The following CSMD1 variants were observed in gnomAD, a reference collection of about 807,000 sequenced individuals.
CSMD1 encodes CUB and sushi domain-containing protein 1.
In CSMD1, 213 loss-of-function variants were observed where a neutral mutation model predicts 417.5. That is an observed-to-expected ratio of 0.51 (90% CI 0.46 to 0.57). The LOEUF is 0.57. CSMD1 is among the 20% of genes least tolerant of loss of function. The probability of loss-of-function intolerance (pLI) is 0.00; values close to 1 mark genes in which losing one functional copy is unlikely to be tolerated. For synonymous variants in CSMD1, 2,862 were observed against 1,736.8 expected, an observed-to-expected ratio of 1.65 and a Z score of -16.11; for missense variants, 6,923 against 4,529.7, an observed-to-expected ratio of 1.53 and a Z score of -15.17.
rs80139279 is a variant in CSMD1, at chr8:4,392,349, A to G, written c.415+27604T>C. Among the ~76,000 whole-genome samples, 40 of 152,292 alleles carry G rather than the reference A, an allele frequency of 2.6e-4. No individual in the cohort carries two copies. In the East Asian group the frequency reaches 6.4e-3, roughly 24 times the overall value. ...ACCACGGATATGTAGGGAAGGTCAC[A>G]TGAGGAGGAGCAGTAAAGAGAAAAT... On this transcript the variant is annotated intron_variant, in intron 3 of 69. Transcript: ENST00000635120.
chr8:4,557,703 G>A (rs1331966489), intron 2 of CSMD1, among the ~76,000 whole-genome samples: 1 of 152,084 alleles, frequency 6.6e-6, no homozygotes, highest in African/African-American at 2.4e-5. Context: ...AAGGAAAAAG[G>A]TCAGATTTAA....
intron 9 of CSMD1, among the ~76,000 whole-genome samples, chr8:3,583,351 G>T (rs1364600234): frequency 6.6e-6 from 1 of 151,906 alleles, no homozygotes; most frequent in African/African-American, 2.4e-5. Flanking sequence ...TTTGGGGAGT[G>T]TCATAGAGAA....
chr8:3,338,057 C>T (rs377165811), intron 23 of CSMD1, among the ~76,000 whole-genome samples: 1 of 152,176 alleles, frequency 6.6e-6, no homozygotes, highest in African/African-American at 2.4e-5. Context: ...AACTTAATGC[C>T]AAGCAGGCGT....
In CSMD1 at chr8:3,661,566, G is replaced by A. The variant is rs547660330; in HGVS notation, c.1010-44769C>T. The stretch of plus-strand genomic sequence containing the variant: ...GGCTGCAGTGCGGTGGCACAATCTC[G>A]GCTCACGGAAACCTCCACCTCCCGG... On this transcript the variant is annotated intron_variant, in intron 7 of 69. Coordinates refer to ENST00000635120, the MANE Select transcript of CSMD1 (RefSeq NM_033225.6). Among the ~76,000 whole-genome samples the A allele has an allele frequency of 2.6e-5, 4 of 151,468 alleles. No homozygotes were observed. In the South Asian group the frequency reaches 6.3e-4, roughly 24 times the overall value.
chr8:4,478,814 A>C (rs1476550441), intron 2 of CSMD1, among the ~76,000 whole-genome samples: 1 of 152,240 alleles, frequency 6.6e-6, no homozygotes, highest in Non-Finnish European at 1.5e-5. Context: ...TTTGGAGAAT[A>C]GTTTCAACAT....
At chr8:3,516,693 GAGAA>G (rs1414323232) in intron 10 of CSMD1, among the ~76,000 whole-genome samples, 1 of 152,124 alleles carries the variant, frequency 6.6e-6, no homozygotes, top group Non-Finnish European at 1.5e-5. Flanking sequence ...TTGGTTACAT[GAGAA>G]AGTTCTTTGG....
intron 10 of CSMD1, among the ~76,000 whole-genome samples, chr8:3,528,997 T>C (rs1181403299): frequency 1.3e-5 from 2 of 152,238 alleles, no homozygotes. Context: ...TGACATATTT[T>C]CAGAAGCCCA....
chr8:3,054,619 AAAAC>A (rs34548448), intron 49 of CSMD1, among the ~76,000 whole-genome samples: 74,298 of 151,694 alleles, frequency 0.49, 18,942 homozygotes, highest in Non-Finnish European at 0.57. Context: ...CCCTGTCTCA[AAAAC>A]AAACAAAAAA....
intron 1 of CSMD1, among the ~76,000 whole-genome samples, chr8:4,783,737 C>G (rs1268798436): frequency 6.6e-6 from 1 of 152,172 alleles, no homozygotes; most frequent in East Asian, 1.9e-4. Flanking sequence ...AAACTGCAAG[C>G]ATATCCTCTT....
Position 4,234,141 on chromosome 8 carries a change from T to C in CSMD1, c.415+185812A>G, listed in dbSNP as rs1042757153. 1.9e-4 allele frequency among the ~76,000 whole-genome samples: 29 copies of C among 152,168 alleles called. 1 individual carries two copies. Among genetic ancestry groups the C allele is most frequent in the Admixed American group, 1.8e-3 (27 of 15,272 alleles). On this transcript the variant is annotated intron_variant, in intron 3 of 69. Transcript: ENST00000635120. The stretch of plus-strand genomic sequence containing the variant: ...AGTTAAATGAAATGGAAGATTATTC[T>C]TCATAGGACTGAGCACAGATTCCCA...
chr8:3,500,927 T>G (rs1796574252), intron 10 of CSMD1, among the ~76,000 whole-genome samples: 1 of 152,204 alleles, frequency 6.6e-6, no homozygotes, highest in Non-Finnish European at 1.5e-5. Flanking sequence ...TTTCTTTTAA[T>G]GGAGAATATT....
At chr8:4,735,456 T>C (rs1482626257) in intron 1 of CSMD1, among the ~76,000 whole-genome samples, 4 of 152,348 alleles carry the variant, frequency 2.6e-5, no homozygotes, top group African/African-American at 7.2e-5. Flanking sequence ...GCAAGTGTTG[T>C]AGGACGACAG....
intron 5 of CSMD1, among the ~76,000 whole-genome samples, chr8:3,988,589 G>C (rs78516218): frequency 6.4e-4 from 98 of 152,312 alleles, no homozygotes; most frequent in African/African-American, 2.3e-3. Flanking sequence ...AAGATCTCCA[G>C]TGAGTCCTGT....
Position 4,107,576 on chromosome 8 carries a change from A to G in CSMD1, c.416-75477T>C, listed in dbSNP as rs148250444. Among the ~76,000 whole-genome samples, 82 of 152,354 alleles carry G rather than the reference A, an allele frequency of 5.4e-4. 3 individuals carry two copies. The East Asian group carries it at 7.0e-3, about 13-fold the overall frequency. On this transcript the variant is annotated intron_variant, in intron 3 of 69. Coordinates refer to ENST00000635120, the MANE Select transcript of CSMD1 (RefSeq NM_033225.6). ...AAGTAGCACCTGCTGGCTTCTAATT[A>G]TAAGCAAGCGCTTTGTGAATAGCTG...
chr8:4,978,891 T>C (rs1270955776), intron 1 of CSMD1, among the ~76,000 whole-genome samples: 2 of 152,142 alleles, frequency 1.3e-5, no homozygotes, highest in Non-Finnish European at 2.9e-5. Flanking sequence ...TGAGCTGAGA[T>C]TGTGCCACTG....
At chr8:3,124,606 TTCTCCTAAAGTGTGTGCCCCTTTTCACAC>T (rs967009068) in intron 41 of CSMD1, among the ~76,000 whole-genome samples, 4 of 152,130 alleles carry the variant, frequency 2.6e-5, no homozygotes, top group South Asian at 4.1e-4. Context: ...CTGCAGCCCC[TTCTCCTAAAGTGTGTGCCCCTTTTCACAC>T]TCTCCTAAAG....
At position 3,284,227 on chromosome 8, in the gene CSMD1, A is replaced by C. The variant is rs1229498165; in HGVS notation, c.4070T>G (p.Ile1357Ser). 6.2e-7 allele frequency: 1 copy of C among 1,612,692 alleles called. No homozygotes were observed. Among genetic ancestry groups the C allele is most frequent in the East Asian group, 2.2e-5 (1 of 44,822 alleles). ...EWSGSALPED[I>S]HSTFNSLTLQ... ...GGTGAGTGAGTTGAAGGTGCTGTGG[A>C]TGTCCTCCGGAAGGGCGGAGCCACT... Residue 1357 changes from isoleucine to serine, a missense_variant, in exon 26 of 70, where the codon ATC becomes AGC. Ile to Ser is a moderately radical substitution (Grantham distance 142). Coordinates refer to ENST00000635120, the MANE Select transcript of CSMD1 (RefSeq NM_033225.6).
rs148503983 is a variant in CSMD1, at chr8:3,063,454, T to A, written c.7475-10807A>T. Among the ~76,000 whole-genome samples, 1,347 of 152,224 alleles carry A rather than the reference T, an allele frequency of 8.8e-3. 19 individuals are homozygous for A. Among genetic ancestry groups the A allele is most frequent in the African/African-American group, 0.03 (1,260 of 41,538 alleles). ...TGACCTATGGTGGTTCCTCAAAAAA[T>A]TAAAAATAGAATTACCATATGATGC... On this transcript the variant is annotated intron_variant, in intron 49 of 69. Transcript: ENST00000635120.
intron 5 of CSMD1, among the ~76,000 whole-genome samples, chr8:3,756,684 A>C (rs186873758): frequency 2.0e-5 from 3 of 152,342 alleles, no homozygotes; most frequent in Admixed American, 2.0e-4. Context: ...AGCTGCATGT[A>C]CTTGCTAAAC....
Sources: allele counts gnomAD v4.1 joint callset (sites outside exome capture counted in the v4.1 genomes callset), GRCh38; gene constraint gnomAD v4.1.1; transcripts MANE v1.5; gene names NCBI Gene and HGNC (gene_info 2026-07-23, HGNC 2026-07-21).